FYCO1: variants seen among roughly 807,000 people sequenced by gnomAD.
The protein encoded by FYCO1 is FYVE and coiled-coil domain-containing protein 1.
FYCO1 carries 122 observed loss-of-function variants against 165.1 expected under a neutral mutation model. The observed-to-expected ratio is 0.74, with a 90% confidence interval of 0.64 to 0.86. The LOEUF (loss-of-function observed/expected upper bound fraction) is 0.86. Ranked by LOEUF, FYCO1 falls within the 40% of genes least tolerant of loss-of-function variation. FYCO1 has a pLI of 0.00. For missense variants in FYCO1, 1,702 were observed against 1,810.3 expected (o/e 0.94, Z 1.09); for synonymous variants, 648 against 742.5 (o/e 0.87, Z 2.07).
intron 15 of FYCO1, 119 bp from the exon 16 acceptor site, chr3:45,931,400 C>T: frequency 1.1e-6 from 1 of 904,558 alleles, no homozygotes; most frequent in Non-Finnish European, 1.8e-6. Flanking sequence ...GAGGACAAGC[C>T]CTGGGTAACC....
chr3:45,984,517 CA>C, intron 2 of FYCO1: 1 of 433,562 alleles, frequency 2.3e-6, no homozygotes, highest in Non-Finnish European at 4.3e-6. Flanking sequence ...CCAACTTCAT[CA>C]GAGCCCAGAA....
In FYCO1 at chr3:45,936,762, C is replaced by T. The variant is rs541165323; in HGVS notation, c.3945-219G>A. On this transcript the variant is annotated intron_variant, in intron 14 of 17. Coordinates refer to ENST00000296137, the MANE Select transcript of FYCO1 (RefSeq NM_024513.4). ...GGTGGACAAGGAGAAGACAATAGGG[C>T]TACAGCAGTTTCCCTGGAGCAGCTG... Among the ~76,000 whole-genome samples, 29 of 152,232 alleles carry T rather than the reference C, an allele frequency of 1.9e-4. No homozygotes were observed. The East Asian group carries it at 5.2e-3, about 27-fold the overall frequency.
At chr3:45,972,315 C>T (rs1428312768) in intron 6 of FYCO1, among the ~76,000 whole-genome samples, 1 of 152,156 alleles carries the variant, frequency 6.6e-6, no homozygotes, top group African/African-American at 2.4e-5. Flanking sequence ...AAAAAAAGGA[C>T]ATCTGAATAT....
chr3:45,976,371 C>T (rs937436471), intron 4 of FYCO1, among the ~76,000 whole-genome samples: 4 of 152,108 alleles, frequency 2.6e-5, no homozygotes, highest in Non-Finnish European at 4.4e-5. Flanking sequence ...ATGGCCAAGG[C>T]GGATGGAATA....
chr3:45,932,665 G>C (rs1703690437), intron 15 of FYCO1, among the ~76,000 whole-genome samples: 2 of 152,206 alleles, frequency 1.3e-5, no homozygotes, highest in Non-Finnish European at 2.9e-5. Flanking sequence ...CAAAGCTGTG[G>C]AGATGAATGG....
At chr3:45,985,423 C>T (rs904596444) in intron 1 of FYCO1, among the ~76,000 whole-genome samples, 5 of 152,180 alleles carry the variant, frequency 3.3e-5, no homozygotes, top group Non-Finnish European at 5.9e-5. Flanking sequence ...CCTAAGGATC[C>T]CCATCTCCCC....
At chr3:45,925,852 T>C (rs1449244474) in intron 16 of FYCO1, among the ~76,000 whole-genome samples, 3 of 152,146 alleles carry the variant, frequency 2.0e-5, no homozygotes, top group Non-Finnish European at 2.9e-5. Flanking sequence ...ATTTAGCCAA[T>C]GAGAAGGGAT....
At chr3:45,974,501 T>C (rs908880358) in intron 5 of FYCO1, among the ~76,000 whole-genome samples, 1 of 152,276 alleles carries the variant, frequency 6.6e-6, no homozygotes, top group East Asian at 1.9e-4. Context: ...TACATCTCTA[T>C]GCAAATCAAT....
intron 3 of FYCO1, 77 bp downstream of exon 3, chr3:45,981,493 T>C: frequency 1.0e-6 from 1 of 955,560 alleles, no homozygotes; most frequent in Non-Finnish European, 1.7e-6. Context: ...GAACCATATC[T>C]TGAATGCTGA....
intron 1 of FYCO1, among the ~76,000 whole-genome samples, chr3:45,994,394 A>G (rs1019895941): frequency 6.6e-6 from 1 of 152,232 alleles, no homozygotes; most frequent in Non-Finnish European, 1.5e-5. Flanking sequence ...GATAAACTCT[A>G]TTTCCTAAAG....
intron 15 of FYCO1, 150 bp downstream of exon 15, chr3:45,936,298 T>C (rs1463788185): frequency 6.1e-6 from 4 of 650,452 alleles, no homozygotes; most frequent in Non-Finnish European, 1.1e-5. Context: ...TCTTAATGTA[T>C]ATAAGCTATG....
chr3:45,968,618 A>C lies in FYCO1; in HGVS notation c.716T>G (p.Leu239Arg), dbSNP rs1435875916. Reference protein sequence around the residue: ...LEGFDEMRLELDQLEVREKQL... With the variant: ...LEGFDEMRLERDQLEVREKQL... ...CTTCTCCCGCACCTCCAACTGGTCC[A>C]GCTCTAGTCGCATCTCATCAAAGCC... Residue 239 changes from leucine to arginine, a missense_variant, in exon 8 of 18, where the codon CTG (leucine) becomes CGG (arginine). Physicochemically the swap from Leu to Arg is moderately radical, Grantham distance 102. Coordinates refer to ENST00000296137, the MANE Select transcript of FYCO1 (RefSeq NM_024513.4). The C allele has an allele frequency of 1.8e-5, 29 of 1,614,028 alleles. No homozygotes were observed. The highest frequency in any genetic ancestry group is 2.5e-5 in the Non-Finnish European group (29 of 1,180,054).
chr3:45,931,956 T>C (rs1332779448), intron 15 of FYCO1, among the ~76,000 whole-genome samples: 1 of 152,228 alleles, frequency 6.6e-6, no homozygotes, highest in African/African-American at 2.4e-5. Context: ...ATAAGGTTCA[T>C]TGACAGTGAG....
rs1703610793 is a variant in FYCO1 at position 45,931,282 on chromosome 3, C to T, written c.4041-1G>A. ...ATCCACTGTGAGGGGTACTTTGATCCTAAAATAAAAATACAGAGAGGGACC... is the reference window on the plus strand; with the variant it reads ...ATCCACTGTGAGGGGTACTTTGATCTTAAAATAAAAATACAGAGAGGGACC... On this transcript the variant is annotated splice_acceptor_variant, in intron 15 of 17. Coordinates refer to ENST00000296137, the MANE Select transcript of FYCO1 (RefSeq NM_024513.4). LOFTEE classifies it high-confidence loss of function. 6.2e-7 allele frequency: 1 copy of T among 1,613,280 alleles called. No individual in the cohort carries two copies. The highest frequency in any genetic ancestry group is 1.1e-5 in the South Asian group (1 of 91,066).
intron 6 of FYCO1, among the ~76,000 whole-genome samples, chr3:45,972,006 T>C (rs931281559): frequency 6.6e-5 from 10 of 152,158 alleles, no homozygotes; most frequent in African/African-American, 2.4e-4. Context: ...TCAAAAGGCT[T>C]AGGAAATAAA....
intron 16 of FYCO1, among the ~76,000 whole-genome samples, chr3:45,930,271 C>T (rs1314360148): frequency 1.3e-5 from 2 of 152,226 alleles, no homozygotes; most frequent in East Asian, 1.9e-4. Context: ...TATCCCTCTA[C>T]ACCCTTTCTC....
At chr3:45,995,300 G>A (rs552218516) in intron 1 of FYCO1, among the ~76,000 whole-genome samples, 13 of 152,258 alleles carry the variant, frequency 8.5e-5, no homozygotes, top group Non-Finnish European at 1.8e-4. Context: ...GAAGGTCTGG[G>A]CTGTCCCGGC....
chr3:45,939,223 T>C (rs1704073767), intron 14 of FYCO1, among the ~76,000 whole-genome samples: 1 of 152,286 alleles, frequency 6.6e-6, no homozygotes, highest in Non-Finnish European at 1.5e-5. Context: ...CTGGCATTCC[T>C]GGGCAGCCTG....
intron 4 of FYCO1, among the ~76,000 whole-genome samples, chr3:45,975,942 C>T (rs1461895367): frequency 6.6e-6 from 1 of 152,220 alleles, no homozygotes; most frequent in Non-Finnish European, 1.5e-5. Context: ...GTAACTGCCT[C>T]ATCTGTGTTC....
Sources: gnomAD v4.1 joint callset for allele counts (sites outside exome capture counted in the v4.1 genomes callset) on GRCh38, gnomAD v4.1.1 for gene constraint, MANE v1.5 for transcripts, NCBI Gene and HGNC (gene_info 2026-07-23, HGNC 2026-07-21) for gene names.